Variants in MMEL1 observed in about 807,000 individuals in gnomAD.
The protein encoded by MMEL1 is membrane metallo-endopeptidase-like 1.
A neutral mutation model predicts 117.1 loss-of-function variants in MMEL1; 98 were observed. The ratio of observed to expected loss-of-function variants is 0.84; its 90% confidence interval spans 0.71 to 0.99. MMEL1 has a LOEUF of 0.99. MMEL1 is among the 50% of genes least tolerant of loss of function. The pLI is 0.00. For synonymous variants in MMEL1, 390 were observed against 415.1 expected, an observed-to-expected ratio of 0.94 and a Z score of 0.74; for missense variants, 1,014 against 1,049.1, an observed-to-expected ratio of 0.97 and a Z score of 0.46.
chr1:2,617,114 C>T (rs1268233719), intron 2 of MMEL1, among the ~76,000 whole-genome samples: 5 of 152,332 alleles, frequency 3.3e-5, no homozygotes, highest in African/African-American at 1.2e-4. Flanking sequence ...AAAACCCCGT[C>T]TCTACTAAAA....
At position 2,602,102 on chromosome 1, in the gene MMEL1, C is replaced by T. The variant is rs570689730; in HGVS notation, c.1041+1782G>A. 1.4e-4 allele frequency among the ~76,000 whole-genome samples: 8 copies of T among 55,488 alleles called. No individual in the cohort carries two copies. In the South Asian group the frequency reaches 2.4e-3, roughly 16 times the overall value. 36.4% of individuals were successfully genotyped at this position (55,488 alleles called of 152,430 possible). A position where few individuals can be genotyped will look rare whatever the true frequency, so the allele number is the denominator to read the frequency against. ...GGCCCAGAGACAGCACAGTGGGACCCGAGTTGTCGCATGTTCTTAGAGTCA... is the reference window on the plus strand; with the variant it reads ...GGCCCAGAGACAGCACAGTGGGACCTGAGTTGTCGCATGTTCTTAGAGTCA... On this transcript the variant is annotated intron_variant, in intron 11 of 23. Coordinates refer to ENST00000378412, the MANE Select transcript of MMEL1 (RefSeq NM_033467.4).
rs980990932 is a variant in MMEL1, at chr1:2,593,908, G to A, written c.1773C>T (p.Pro591=). 1.2e-6 allele frequency: 2 copies of A among 1,610,770 alleles called. No individual in the cohort carries two copies. The highest frequency in any genetic ancestry group is 8.5e-7 in the Non-Finnish European group (1 of 1,178,470). Reference sequence around the variant, plus strand: ...GTGGCTGCTCCTTGCTGAAGAAGGGGGGCTGGAGGATCCCGGCAGGGAATA... The same window carrying A: ...GTGGCTGCTCCTTGCTGAAGAAGGGAGGCTGGAGGATCCCGGCAGGGAATA... ...QIVFPAGILQ[P]PFFSKEQPQA... The change falls in exon 19 of 24, where the codon CCC becomes CCT. Residue 591 remains proline, a synonymous_variant. Coordinates refer to ENST00000378412, the MANE Select transcript of MMEL1 (RefSeq NM_033467.4).
chr1:2,609,941 C>T lies in MMEL1; in HGVS notation c.293-110G>A. On this transcript the variant is annotated intron_variant, in intron 4 of 23. Transcript: ENST00000378412. ...CACAGCCTGGTCCCTTGGGAAGGGG[C>T]TGCTGTCCATCCAGTCGCAGCTGTG... 6.4e-6 allele frequency: 8 copies of T among 1,247,614 alleles called. No homozygotes were observed. The South Asian group carries it at 1.0e-4, about 16-fold the overall frequency. 77.3% of individuals were successfully genotyped at this position (1,247,614 alleles called of 1,614,324 possible). A position where few individuals can be genotyped will look rare whatever the true frequency, so the allele number is the denominator to read the frequency against.
intron 2 of MMEL1, among the ~76,000 whole-genome samples, chr1:2,615,126 G>A (rs1393427718): frequency 6.6e-6 from 1 of 152,098 alleles, no homozygotes; most frequent in African/African-American, 2.4e-5. Context: ...AATACTTTAG[G>A]TAGATACTCT....
At chr1:2,616,146 G>A (rs964780429) in intron 2 of MMEL1, among the ~76,000 whole-genome samples, 4 of 152,050 alleles carry the variant, frequency 2.6e-5, no homozygotes, top group Admixed American at 1.3e-4. Flanking sequence ...ACCAGCCCGG[G>A]CAACATGGAG....
chr1:2,613,646 T>C (rs529080426), intron 2 of MMEL1, among the ~76,000 whole-genome samples: 2 of 152,134 alleles, frequency 1.3e-5, no homozygotes, highest in Admixed American at 1.3e-4. Context: ...GAGAGGCCTG[T>C]GGCTGCATTG....
chr1:2,611,094 C>A (rs995286370), intron 4 of MMEL1, among the ~76,000 whole-genome samples, 187 bp downstream of exon 4: 19 of 152,198 alleles, frequency 1.2e-4, no homozygotes, highest in Non-Finnish European at 2.6e-4. Flanking sequence ...GGGGGCCCAG[C>A]GGACGCCAGA....
chr1:2,593,674 C>T, intron 19 of MMEL1, 140 bp downstream of exon 19: 2 of 1,237,118 alleles, frequency 1.6e-6, no homozygotes, highest in Non-Finnish European at 2.1e-6. Flanking sequence ...CCTGCTCTGC[C>T]CCCACAGCTC....
intron 1 of MMEL1, among the ~76,000 whole-genome samples, chr1:2,632,334 C>T (rs1017226779): frequency 6.6e-6 from 1 of 152,174 alleles, no homozygotes; most frequent in Non-Finnish European, 1.5e-5. Context: ...TAGACTGGCA[C>T]CCCCACCCCA....
chr1:2,595,143 C>T lies in MMEL1; in HGVS notation c.1584+133G>A. ...TGAGGGTAGTGCTGGAGCCACCACC[C>T]TAGGGCACGGTGAGGACAGCTGTGT... On this transcript the variant is annotated intron_variant, in intron 16 of 23. Coordinates refer to ENST00000378412, the MANE Select transcript of MMEL1 (RefSeq NM_033467.4). The surrounding 1 kb of genome is among the most constrained non-coding windows in gnomAD (Gnocchi z 4.8). The T allele has an allele frequency of 1.2e-6, 1 of 822,438 alleles. No homozygotes were observed. Among genetic ancestry groups the T allele is most frequent in the Non-Finnish European group, 2.0e-6 (1 of 509,656 alleles). The allele number at this position is 822,438 out of a possible 1,614,324, so 50.9% of individuals were successfully genotyped here.
chr1:2,592,225 G>A (rs1407162341), intron 21 of MMEL1, among the ~76,000 whole-genome samples, 198 bp from the exon 22 acceptor site: 1 of 151,832 alleles, frequency 6.6e-6, no homozygotes, highest in African/African-American at 2.4e-5. Context: ...GGCCCTCGGG[G>A]GGGGATCCCT....
Position 2,594,824 on chromosome 1 carries a change from G to C in MMEL1, c.1654C>G (p.Leu552Val), listed in dbSNP as rs775495866. ...TCCACCTTTTCCCGAAGCTTCCTGA[G>C]GCTCCGCTGGGCGCCCACCTTGAGG... ...QNLKVGAQRS[L>V]RKLREKVDPN... The change falls in exon 17 of 24, where the codon CTC becomes GTC. Residue 552 changes from leucine to valine, a missense_variant. By Grantham distance (32) the Leu-to-Val change is conservative (BLOSUM62 1). Coordinates refer to ENST00000378412, the MANE Select transcript of MMEL1 (RefSeq NM_033467.4). 1 of 1,613,986 alleles carries C rather than the reference G, an allele frequency of 6.2e-7. No individual in the cohort carries two copies. Among genetic ancestry groups the C allele is most frequent in the Non-Finnish European group, 8.5e-7 (1 of 1,179,998 alleles).
chr1:2,600,334 A>C lies in MMEL1; in HGVS notation c.1042-1544T>G, dbSNP rs61765769. 3.9e-3 allele frequency among the ~76,000 whole-genome samples: 590 copies of C among 152,232 alleles called. 2 individuals are homozygous for C. The highest frequency in any genetic ancestry group is 0.011 in the South Asian group (53 of 4,828). ...TAATGTCTACTATTATGACATCAGCATTATGCTCAAAATCCTGTCCAGTTC... is the reference window on the plus strand; with the variant it reads ...TAATGTCTACTATTATGACATCAGCCTTATGCTCAAAATCCTGTCCAGTTC... On this transcript the variant is annotated intron_variant, in intron 11 of 23. Transcript: ENST00000378412.
intron 2 of MMEL1, among the ~76,000 whole-genome samples, chr1:2,621,573 T>C: frequency 1.9e-5 from 1 of 53,604 alleles, no homozygotes; most frequent in Non-Finnish European, 3.3e-5. Flanking sequence ...CCAATGCACA[T>C]TTTTTTTTTT....
In MMEL1 at chr1:2,612,070, TTGGGAGGCCAGCGCCCACCTGCC is replaced by T; in HGVS notation, c.232+34_232+56del. On this transcript the variant is annotated intron_variant, in intron 3 of 23. Transcript: ENST00000378412. This position sits in a 1 kb window ranked among gnomAD's most constrained non-coding sequence, Gnocchi z 5.4. ...TGCCCCTCCACGGAGTCCCCCCACC[TTGGGAGGCCAGCGCCCACCTGCC>T]TGGGGCTGTTTTGGAAGGGAAGGCA... 1 of 1,447,404 alleles carries T rather than the reference TTGGGAGGCCAGCGCCCACCTGCC, an allele frequency of 6.9e-7. No individual in the cohort carries two copies. Among genetic ancestry groups the T allele is most frequent in the South Asian group, 1.2e-5 (1 of 82,094 alleles). 89.7% of individuals were successfully genotyped at this position (1,447,404 alleles called of 1,614,324 possible). A position where few individuals can be genotyped will look rare whatever the true frequency, so the allele number is the denominator to read the frequency against.
intron 9 of MMEL1, among the ~76,000 whole-genome samples, 198 bp downstream of exon 9, chr1:2,605,360 T>G (rs545753002): frequency 6.6e-6 from 1 of 152,040 alleles, no homozygotes; most frequent in Admixed American, 6.5e-5. Context: ...GCCCGGGTGT[T>G]GAGGGAACGT....
chr1:2,630,525 T>C (rs1283276530), intron 1 of MMEL1, among the ~76,000 whole-genome samples: 1 of 145,546 alleles, frequency 6.9e-6, no homozygotes, highest in East Asian at 2.1e-4. Flanking sequence ...TGTGCATGAT[T>C]GCGTGGATAT....
rs1350737563 is a variant in MMEL1, at chr1:2,591,636, G to A, written c.2164-3C>T. The A allele has an allele frequency of 1.2e-6, 2 of 1,613,000 alleles. No homozygotes were observed. Among genetic ancestry groups the A allele is most frequent in the Non-Finnish European group, 1.7e-6 (2 of 1,179,690 alleles). On this transcript the variant is annotated splice_polypyrimidine_tract_variant and splice_region_variant and intron_variant, in intron 22 of 23. Transcript: ENST00000378412. ...GGCCGGTAGGACCCGCACCACACCT[G>A]TGGGCATGTTGGGGGCGTGGCTACA...
intron 2 of MMEL1, among the ~76,000 whole-genome samples, chr1:2,617,010 C>T (rs138188310): frequency 5.9e-5 from 9 of 152,294 alleles, no homozygotes; most frequent in South Asian, 2.1e-4. Context: ...TTTTCCGTGT[C>T]GTCCCTTAAC....
Sources: gnomAD v4.1 joint callset for allele counts (sites outside exome capture counted in the v4.1 genomes callset) on GRCh38, gnomAD v4.1.1 for gene constraint, Gnocchi (gnomAD v3.1) non-coding constraint, MANE v1.5 for transcripts, NCBI Gene and HGNC (gene_info 2026-07-23, HGNC 2026-07-21) for gene names.